Variants in TTYH2 observed in about 807,000 individuals in gnomAD.
TTYH2 encodes tweety family member 2, also known as protein tweety homolog 2.
Under a neutral mutation model 68.3 loss-of-function variants are expected in TTYH2, and 49 were observed. That is an observed-to-expected ratio of 0.72 (90% CI 0.57 to 0.91). TTYH2 has a LOEUF of 0.91. Among genes scored for constraint, TTYH2 ranks in the 40% least tolerant of loss-of-function variants. The pLI is 0.00. For synonymous variants in TTYH2, 272 were observed against 300.8 expected, an observed-to-expected ratio of 0.90 and a Z score of 0.99; for missense variants, 631 against 700.4, an observed-to-expected ratio of 0.90 and a Z score of 1.12.
intron 1 of TTYH2, among the ~76,000 whole-genome samples, chr17:74,216,448 G>T (rs1398426423): frequency 6.6e-6 from 1 of 152,178 alleles, no homozygotes; most frequent in Non-Finnish European, 1.5e-5. Context: ...TGCAGAGATG[G>T]TGAAGAGCAG....
chr17:74,228,643 T>C (rs903355941), intron 2 of TTYH2, among the ~76,000 whole-genome samples: 7 of 152,204 alleles, frequency 4.6e-5, no homozygotes, highest in Admixed American at 2.6e-4. Flanking sequence ...GAGACTGGGC[T>C]TAACAGCAAT....
chr17:74,251,044 G>A (rs1368460330), intron 10 of TTYH2, among the ~76,000 whole-genome samples: 3 of 136,938 alleles, frequency 2.2e-5, no homozygotes, highest in African/African-American at 5.9e-5. Context: ...GTGTGTGCAC[G>A]TGCGTGTGTC....
Position 74,252,263 on chromosome 17 carries a change from C to G in TTYH2, c.1146C>G (p.Cys382Trp). ...ATCTGGACGCTCTTGCTGGCATCTGCTACGACGGCCTCCAGGGCTTGCTGT... is the reference window on the plus strand; with the variant it reads ...ATCTGGACGCTCTTGCTGGCATCTGGTACGACGGCCTCCAGGGCTTGCTGT... Reference protein sequence around the residue: ...KDYLDALAGICYDGLQGLLYL... With the variant: ...KDYLDALAGIWYDGLQGLLYL... The change falls in exon 11 of 14, where the codon TGC (cysteine) becomes TGG (tryptophan). Residue 382 changes from cysteine to tryptophan, a missense_variant. By Grantham distance (215) the Cys-to-Trp change is radical. Transcript: ENST00000269346. 6.2e-7 allele frequency: 1 copy of G among 1,613,500 alleles called. No individual in the cohort carries two copies. Among genetic ancestry groups the G allele is most frequent in the South Asian group, 1.1e-5 (1 of 91,082 alleles).
chr17:74,222,486 C>A lies in TTYH2; in HGVS notation c.131C>A (p.Ser44Ter). 1 of 1,607,974 alleles carries A rather than the reference C, an allele frequency of 6.2e-7. No individual in the cohort carries two copies. The highest frequency in any genetic ancestry group is 1.1e-5 in the South Asian group (1 of 90,774). Residue 44 changes from serine to a stop codon, truncating the protein, a stop_gained and splice_region_variant, in exon 2 of 14, where the codon TCG (serine) becomes TAG (stop). Transcript: ENST00000269346. LOFTEE classifies it high-confidence loss of function. This position sits in a 1 kb window ranked among gnomAD's most constrained non-coding sequence, Gnocchi z 5.2. ...FSPGDESYQE[S>*]LLFLGLVAAV... ...CAACAGGCCTCTGCTCTCTTCCAGT[C>A]GCTGCTGTTCCTGGGGCTGGTGGCC...
chr17:74,252,762 A>G (rs567432531), intron 11 of TTYH2, among the ~76,000 whole-genome samples: 1 of 152,344 alleles, frequency 6.6e-6, no homozygotes, highest in Non-Finnish European at 1.5e-5. Context: ...GGGAGCCTGC[A>G]GTCCCCTTGA....
chr17:74,246,144 G>A (rs2050555731), intron 6 of TTYH2, among the ~76,000 whole-genome samples: 1 of 152,158 alleles, frequency 6.6e-6, no homozygotes, highest in South Asian at 2.1e-4. Flanking sequence ...TGAGGGAGGA[G>A]GCAATGGCTG....
chr17:74,234,162 C>T (rs543851347), intron 3 of TTYH2, among the ~76,000 whole-genome samples: 5 of 152,200 alleles, frequency 3.3e-5, no homozygotes, highest in African/African-American at 7.2e-5. Flanking sequence ...TCCGCTTCAG[C>T]GGTCCTGGGG....
chr17:74,246,512 C>T (rs185387625), intron 6 of TTYH2, among the ~76,000 whole-genome samples: 149 of 152,178 alleles, frequency 9.8e-4, no homozygotes, highest in African/African-American at 3.3e-3. Context: ...GCTAGGGTCA[C>T]GGGGGTCCCT....
At chr17:74,225,844 G>C (rs1413067041) in intron 2 of TTYH2, among the ~76,000 whole-genome samples, 1 of 137,598 alleles carries the variant, frequency 7.3e-6, no homozygotes, top group Non-Finnish European at 1.5e-5. Flanking sequence ...AACAGGGCAG[G>C]GGACAGAGGA....
chr17:74,251,067 C>T (rs116045763), intron 10 of TTYH2, among the ~76,000 whole-genome samples: 18 of 138,436 alleles, frequency 1.3e-4, no homozygotes, highest in South Asian at 4.7e-4. Context: ...TGTGTGTGTG[C>T]GTGTGTGTGC....
intron 12 of TTYH2, among the ~76,000 whole-genome samples, chr17:74,253,509 A>T (rs529998618): frequency 6.6e-6 from 1 of 152,292 alleles, no homozygotes; most frequent in Admixed American, 6.5e-5. Context: ...GACAGGTCTC[A>T]GGCCCAAAAA....
intron 1 of TTYH2, among the ~76,000 whole-genome samples, chr17:74,218,899 C>G (rs2050247284): frequency 6.6e-6 from 1 of 152,244 alleles, no homozygotes; most frequent in Non-Finnish European, 1.5e-5. Context: ...TCAGGCTACA[C>G]AGGTTTGTCT....
rs552473604 is a variant in TTYH2 at position 74,244,903 on chromosome 17, C to A, written c.804+854C>A. ...GTGTGTTTGTGTGTGTGTGTTCATG[C>A]ACATGCACGTGATAGAAGAGAACAC... On this transcript the variant is annotated intron_variant, in intron 6 of 13. Transcript: ENST00000269346. Among the ~76,000 whole-genome samples the A allele has an allele frequency of 8.7e-5, 13 of 150,018 alleles. No individual in the cohort carries two copies. The East Asian group carries it at 2.0e-3, about 23-fold the overall frequency.
intron 11 of TTYH2, 134 bp from the exon 12 acceptor site, chr17:74,252,946 GT>G: frequency 1.1e-6 from 1 of 882,118 alleles, no homozygotes; most frequent in Non-Finnish European, 1.8e-6. Flanking sequence ...TGGGGACCGC[GT>G]TTTAGAGGAG....
intron 2 of TTYH2, among the ~76,000 whole-genome samples, chr17:74,226,381 AC>A (rs2050329549): frequency 1.3e-5 from 2 of 152,080 alleles, no homozygotes; most frequent in African/African-American, 4.8e-5. Flanking sequence ...TGGGAATGCC[AC>A]AAGGGCACAG....
intron 3 of TTYH2, among the ~76,000 whole-genome samples, chr17:74,233,241 C>T (rs779564882): frequency 6.6e-6 from 1 of 152,142 alleles, no homozygotes; most frequent in Non-Finnish European, 1.5e-5. Context: ...GGCACTGGGT[C>T]CTTACTAGGA....
rs2050734644 is a variant in TTYH2, at chr17:74,260,174, C to A, written c.1570C>A (p.His524Asn). ...CACCTACCTGTCTGTGGCGGATGAG[C>A]ACCTGAGGCACTACGGGAATCAGTT... ...RATYLSVADE[H>N]LRHYGNQFPA The change falls in exon 14 of 14, where the codon CAC (histidine) becomes AAC (asparagine). Residue 524 changes from histidine (H) to asparagine (N), a missense_variant. By Grantham distance (68) the His-to-Asn change is moderately conservative (BLOSUM62 1). Coordinates refer to ENST00000269346, the MANE Select transcript of TTYH2 (RefSeq NM_032646.6). 1 of 1,613,958 alleles carries A rather than the reference C, an allele frequency of 6.2e-7. No individual in the cohort carries two copies. Among genetic ancestry groups the A allele is most frequent in the East Asian group, 2.2e-5 (1 of 44,884 alleles).
Position 74,260,135 on chromosome 17 carries a change from C to G in TTYH2, c.1531C>G (p.Pro511Ala). The part of the protein sequence containing the change: ...GRASPPPTYS[P>A]SMRATYLSVA... The stretch of plus-strand genomic sequence containing the variant: ...CTCTCTTCTCTCTTGGCAGTACTCT[C>G]CCAGCATGAGAGCCACCTACCTGTC... Residue 511 changes from proline to alanine, a missense_variant, in exon 14 of 14, where the codon CCC becomes GCC. Coordinates refer to ENST00000269346, the MANE Select transcript of TTYH2 (RefSeq NM_032646.6). 6.2e-7 allele frequency: 1 copy of G among 1,613,798 alleles called. No homozygotes were observed. The highest frequency in any genetic ancestry group is 8.5e-7 in the Non-Finnish European group (1 of 1,179,796).
At position 74,244,315 on chromosome 17, in the gene TTYH2, G is replaced by T. The variant is rs532440482; in HGVS notation, c.804+266G>T. Reference sequence around the variant, plus strand: ...CAGAGAGAAGCCCCCGGCTGCCCAGGCATGCTTAGGCTTACACGTGCTTAG... The same window carrying T: ...CAGAGAGAAGCCCCCGGCTGCCCAGTCATGCTTAGGCTTACACGTGCTTAG... On this transcript the variant is annotated intron_variant, in intron 6 of 13. Transcript: ENST00000269346. 2.6e-5 allele frequency among the ~76,000 whole-genome samples: 4 copies of T among 152,374 alleles called. No individual in the cohort carries two copies. In the East Asian group the frequency reaches 5.8e-4, roughly 22 times the overall value.
Sources: gnomAD v4.1 joint callset for allele counts (sites outside exome capture counted in the v4.1 genomes callset) on GRCh38, gnomAD v4.1.1 for gene constraint, Gnocchi (gnomAD v3.1) non-coding constraint, MANE v1.5 for transcripts, NCBI Gene and HGNC (gene_info 2026-07-23, HGNC 2026-07-21) for gene names.